The following RBMS1 variants were observed in gnomAD, a reference collection of about 807,000 sequenced individuals.
RBMS1 encodes RNA binding motif single stranded interacting protein 1, also known as RNA-binding motif, single-stranded-interacting protein 1.
Under a neutral mutation model 62.3 loss-of-function variants are expected in RBMS1, and 17 were observed. The observed-to-expected ratio is 0.27, with a 90% CI of 0.19 to 0.41. The LOEUF is 0.41. Ranked by LOEUF, RBMS1 falls within the 10% of genes least tolerant of loss-of-function variation. RBMS1 has a pLI of 1.00. For missense variants in RBMS1, 334 were observed against 504.5 expected, an observed-to-expected ratio of 0.66 and a Z score of 3.24; for synonymous variants, 172 against 170.0, an observed-to-expected ratio of 1.01 and a Z score of -0.09.
At chr2:160,347,984 A>G (rs542321540) in intron 2 of RBMS1, among the ~76,000 whole-genome samples, 1 of 152,244 alleles carries the variant, frequency 6.6e-6, no homozygotes, top group East Asian at 1.9e-4. Context: ...TGCATGGAAA[A>G]TAGGCAGGAG....
intron 2 of RBMS1, among the ~76,000 whole-genome samples, chr2:160,355,989 C>G (rs1377470475): frequency 1.3e-5 from 2 of 152,096 alleles, no homozygotes; most frequent in Admixed American, 6.6e-5. Context: ...GTGTCTTGAT[C>G]TTATGTTTTA....
chr2:160,311,922 A>G (rs749416928), intron 4 of RBMS1, among the ~76,000 whole-genome samples: 27 of 152,198 alleles, frequency 1.8e-4, no homozygotes, highest in Non-Finnish European at 3.1e-4. Context: ...AGACTGGGAC[A>G]TAAATATCAG....
At chr2:160,304,860 A>C (rs1689414372) in intron 4 of RBMS1, among the ~76,000 whole-genome samples, 1 of 152,006 alleles carries the variant, frequency 6.6e-6, no homozygotes, top group Non-Finnish European at 1.5e-5. Flanking sequence ...GAAGAACAAA[A>C]ATTTTTCTTT....
rs189426743 is a variant in RBMS1, at chr2:160,489,945, T to C, written c.75+3344A>G. Reference sequence around the variant, plus strand: ...CTTCAAAAGAAACAGAATATTTCAATCCCCATAACTATTTACATACATGCA... The same window carrying C: ...CTTCAAAAGAAACAGAATATTTCAACCCCCATAACTATTTACATACATGCA... On this transcript the variant is annotated intron_variant, in intron 1 of 13. Transcript: ENST00000348849. Among the ~76,000 whole-genome samples the C allele has an allele frequency of 5.8e-4, 89 of 152,206 alleles. 1 individual carries two copies. Among genetic ancestry groups the C allele is most frequent in the Non-Finnish European group, 1.2e-3 (79 of 67,938 alleles).
At chr2:160,335,350 CA>C (rs752634309) in intron 2 of RBMS1, among the ~76,000 whole-genome samples, 2 of 152,150 alleles carry the variant, frequency 1.3e-5, no homozygotes, top group Non-Finnish European at 2.9e-5. Context: ...TGTCTGGCAG[CA>C]TCCGATTCAC....
intron 5 of RBMS1, 127 bp from the exon 6 acceptor site, chr2:160,300,857 T>C (rs1421651362): frequency 2.3e-5 from 25 of 1,069,090 alleles, no homozygotes; most frequent in Non-Finnish European, 3.0e-5. Flanking sequence ...AATGTGAATA[T>C]GATAAAGGGT....
chr2:160,439,214 CG>C (rs1683278669), intron 1 of RBMS1, among the ~76,000 whole-genome samples: 1 of 151,506 alleles, frequency 6.6e-6, no homozygotes, highest in South Asian at 2.1e-4. Flanking sequence ...ACCTCCCTCT[CG>C]GACGAGGTGG....
In RBMS1 at chr2:160,406,641, G is replaced by A. The variant is rs557304016; in HGVS notation, c.76-39250C>T. On this transcript the variant is annotated intron_variant, in intron 1 of 13. Coordinates refer to ENST00000348849, the MANE Select transcript of RBMS1 (RefSeq NM_016836.4). ...CATTTTTTAGATAATTTAAAGCTAC[G>A]TTTTGTTATTGCTGCTGCTGAAAGG... is the stretch of plus-strand genomic sequence containing the variant. Among the ~76,000 whole-genome samples, 34 of 152,234 alleles carry A rather than the reference G, an allele frequency of 2.2e-4. 3 individuals carry two copies. In the South Asian group the frequency reaches 6.6e-3, roughly 30 times the overall value.
intron 2 of RBMS1, among the ~76,000 whole-genome samples, chr2:160,362,734 A>C (rs1255925329): frequency 6.6e-6 from 1 of 152,202 alleles, no homozygotes; most frequent in Admixed American, 6.5e-5. Context: ...AAAAATGCCA[A>C]TAGACTTGCC....
intron 1 of RBMS1, among the ~76,000 whole-genome samples, chr2:160,463,589 A>T (rs780661329): frequency 6.6e-6 from 1 of 152,218 alleles, no homozygotes; most frequent in Non-Finnish European, 1.5e-5. Flanking sequence ...GTTCGAGACC[A>T]GCCTGGCTAA....
chr2:160,352,756 A>T (rs1440725216), intron 2 of RBMS1, among the ~76,000 whole-genome samples: 1 of 152,144 alleles, frequency 6.6e-6, no homozygotes, highest in Non-Finnish European at 1.5e-5. Flanking sequence ...AGGTACAACT[A>T]GTTGGCACAC....
At chr2:160,365,465 T>A (rs571339650) in intron 2 of RBMS1, among the ~76,000 whole-genome samples, 4 of 152,244 alleles carry the variant, frequency 2.6e-5, no homozygotes, top group South Asian at 4.1e-4. Flanking sequence ...AAAAAAGAAA[T>A]GAATATTCTA....
rs563895613 is a variant in RBMS1, at chr2:160,462,856, A to C, written c.75+30433T>G. Among the ~76,000 whole-genome samples, 5 of 147,588 alleles carry C rather than the reference A, an allele frequency of 3.4e-5. No homozygotes were observed. In the South Asian group the frequency reaches 8.6e-4, roughly 25 times the overall value. On this transcript the variant is annotated intron_variant, in intron 1 of 13. Coordinates refer to ENST00000348849, the MANE Select transcript of RBMS1 (RefSeq NM_016836.4). ...GGTGATCCACCCGCCTCGGTCCCCC[A>C]AAGTGCTGGGATTACAGGCGTGAGC...
chr2:160,378,938 G>A (rs1395002446), intron 1 of RBMS1, among the ~76,000 whole-genome samples: 5 of 152,188 alleles, frequency 3.3e-5, no homozygotes, highest in Non-Finnish European at 7.3e-5. Context: ...AGTTAATGTG[G>A]GCCGGACGTG....
intron 2 of RBMS1, among the ~76,000 whole-genome samples, chr2:160,324,909 C>T (rs202119747): frequency 0.18 from 13,411 of 76,184 alleles, 807 homozygotes; most frequent in East Asian, 0.37. Context: ...TATATATATA[C>T]ACACACACAC....
intron 4 of RBMS1, among the ~76,000 whole-genome samples, chr2:160,312,300 A>G (rs1335936423): frequency 6.6e-6 from 1 of 152,222 alleles, no homozygotes; most frequent in Non-Finnish European, 1.5e-5. Flanking sequence ...CTGGCTGATC[A>G]ACTCCATTTA....
chr2:160,323,169 A>AT (rs200830921), intron 2 of RBMS1, among the ~76,000 whole-genome samples: 27,777 of 147,744 alleles, frequency 0.19, 2,916 homozygotes, highest in South Asian at 0.35. Context: ...CTGTAGCTTA[A>AT]TTTTTTTTTT....
intron 1 of RBMS1, among the ~76,000 whole-genome samples, chr2:160,488,068 TCTACCAGA>T (rs1275167658): frequency 6.6e-6 from 1 of 152,230 alleles, no homozygotes; most frequent in Non-Finnish European, 1.5e-5. Context: ...TGACCTCATA[TCTACCAGA>T]CTAAGAAATG....
intron 3 of RBMS1, among the ~76,000 whole-genome samples, chr2:160,314,926 A>ACT (rs1263082149): frequency 3.3e-5 from 5 of 151,890 alleles, no homozygotes; most frequent in South Asian, 4.2e-4. Flanking sequence ...ACATGCACAA[A>ACT]CTCTCTCTCT....
Sources: allele counts gnomAD v4.1 joint callset (sites outside exome capture counted in the v4.1 genomes callset), GRCh38; gene constraint gnomAD v4.1.1; transcripts MANE v1.5; gene names NCBI Gene and HGNC (gene_info 2026-07-23, HGNC 2026-07-21).